Variants in BRAF observed in about 807,000 individuals in gnomAD.
The protein encoded by BRAF is B-Raf proto-oncogene, serine/threonine kinase.
BRAF carries 16 observed loss-of-function variants against 104.6 expected under a neutral mutation model. The observed-to-expected ratio is 0.15, with a 90% CI of 0.10 to 0.23. The LOEUF (loss-of-function observed/expected upper bound fraction) is 0.23. Among genes scored for constraint, BRAF ranks in the 10% least tolerant of loss-of-function variants. The pLI is 1.00. For synonymous variants in BRAF, 310 were observed against 341.6 expected (o/e 0.91, Z 1.02); for missense variants, 541 against 937.3 (o/e 0.58, Z 5.52).
intron 5 of BRAF, among the ~76,000 whole-genome samples, chr7:140,806,380 T>C (rs1474701515): frequency 6.6e-6 from 1 of 152,210 alleles, no homozygotes; most frequent in African/African-American, 2.4e-5. Flanking sequence ...GTCTTATTCA[T>C]TTGTCATATC....
intron 3 of BRAF, among the ~76,000 whole-genome samples, chr7:140,814,746 C>T (rs910284231): frequency 4.1e-5 from 5 of 121,286 alleles, no homozygotes; most frequent in South Asian, 2.2e-4. Context: ...AATTTATATA[C>T]AATATATAAC....
In BRAF at chr7:140,841,810, TAAA is replaced by T. The variant is rs1346525773; in HGVS notation, c.241-6941_241-6939del. 2.6e-5 allele frequency among the ~76,000 whole-genome samples: 4 copies of T among 152,100 alleles called. No homozygotes were observed. In the East Asian group the frequency reaches 7.7e-4, roughly 29 times the overall value. ...TGGAATAAGATAGTGGTGAATATAGTAAAAACCACTGAATTACACAGTTTTAAA... is the reference window on the plus strand; with the variant it reads ...TGGAATAAGATAGTGGTGAATATAGTAACCACTGAATTACACAGTTTTAAA... On this transcript the variant is annotated intron_variant, in intron 2 of 19. Transcript: ENST00000644969.
chr7:140,795,515 A>C (rs1280472667), intron 7 of BRAF, among the ~76,000 whole-genome samples: 2 of 152,234 alleles, frequency 1.3e-5, no homozygotes, highest in African/African-American at 2.4e-5. Context: ...TGTTGAGGGA[A>C]TAAAAAGACA....
At chr7:140,853,631 T>C (rs1247986465) in intron 1 of BRAF, among the ~76,000 whole-genome samples, 3 of 152,192 alleles carry the variant, frequency 2.0e-5, no homozygotes, top group African/African-American at 7.2e-5. Flanking sequence ...TCTATAAAGT[T>C]TGCTGTCTTA....
At chr7:140,857,710 G>C (rs561311680) in intron 1 of BRAF, among the ~76,000 whole-genome samples, 1 of 152,212 alleles carries the variant, frequency 6.6e-6, no homozygotes, top group East Asian at 1.9e-4. Flanking sequence ...TATTATTCAA[G>C]AAGAGAGATC....
At chr7:140,731,068 G>C (rs1320215533) in intron 19 of BRAF, 1 of 152,144 alleles carries the variant, frequency 6.6e-6, no homozygotes, top group Non-Finnish European at 1.5e-5. Flanking sequence ...CCAGGCTGGA[G>C]TGCAGTGGCA....
intron 14 of BRAF, among the ~76,000 whole-genome samples, chr7:140,760,106 C>T (rs1798547672): frequency 6.6e-6 from 1 of 152,098 alleles, no homozygotes; most frequent in Non-Finnish European, 1.5e-5. Flanking sequence ...CCACCAGTAA[C>T]TATCATATTA....
At chr7:140,780,921 C>T (rs1041575187) in intron 12 of BRAF, 6 of 152,116 alleles carry the variant, frequency 3.9e-5, no homozygotes, top group African/African-American at 1.4e-4. Flanking sequence ...TGTTTACTGG[C>T]CACTTATATT....
At chr7:140,923,864 C>T (rs990276357) in intron 1 of BRAF, among the ~76,000 whole-genome samples, 1 of 152,012 alleles carries the variant, frequency 6.6e-6, no homozygotes, top group African/African-American at 2.4e-5. Flanking sequence ...GGAAAATGAG[C>T]GGGCGGTAGA....
intron 17 of BRAF, chr7:140,747,443 A>G (rs1388287720): frequency 7.8e-7 from 1 of 1,288,444 alleles, no homozygotes; most frequent in Admixed American, 2.3e-5. Context: ...TGGAGGACAA[A>G]GCACCTAAAA....
At position 140,721,573 on chromosome 7, in the gene BRAF, A is replaced by T. The variant is rs1046584993; in HGVS notation, c.*4921T>A. 12 of 1,523,030 alleles carry T rather than the reference A, an allele frequency of 7.9e-6. No individual in the cohort carries two copies. The highest frequency in any genetic ancestry group is 1.7e-4 in the Middle Eastern group (1 of 5,960). The allele number at this position is 1,523,030 out of a possible 1,614,324, so 94.3% of individuals were successfully genotyped here. A position where few individuals can be genotyped will look rare whatever the true frequency, so the allele number is the denominator to read the frequency against. ...CCAGAGCTAGCAACATGGACCACAG[A>T]TATACTGGTGACTCCGCTCTCCTCT... On this transcript the variant is annotated 3_prime_UTR_variant, in exon 20 of 20. Coordinates refer to ENST00000644969, the MANE Select transcript of BRAF (RefSeq NM_001374258.1).
chr7:140,805,127 A>C (rs1218506851), intron 5 of BRAF, among the ~76,000 whole-genome samples: 2 of 152,214 alleles, frequency 1.3e-5, no homozygotes, highest in African/African-American at 4.8e-5. Context: ...ACATTTATTT[A>C]CACATTCTGT....
chr7:140,834,870 G>C lies in BRAF; in HGVS notation c.243C>G (p.Ala81=). ...EHNPPSIYLE[A]YEEYTSKLDA... The stretch of plus-strand genomic sequence containing the variant: ...CTAGCTTGCTGGTGTATTCTTCATA[G>C]GCCTATAAAATAAAGCAGACTTATA... The change falls in exon 3 of 20, where the codon GCC becomes GCG. Residue 81 remains alanine, a splice_region_variant and synonymous_variant. Transcript: ENST00000644969. The C allele has an allele frequency of 6.2e-7, 1 of 1,613,948 alleles. No individual in the cohort carries two copies. The highest frequency in any genetic ancestry group is 1.3e-5 in the African/African-American group (1 of 75,034).
chr7:140,847,029 C>T (rs1808631856), intron 2 of BRAF, among the ~76,000 whole-genome samples: 1 of 152,062 alleles, frequency 6.6e-6, no homozygotes, highest in East Asian at 1.9e-4. Flanking sequence ...ATAACGCACA[C>T]CTGTAATCCC....
At chr7:140,798,715 G>C (rs185751820) in intron 7 of BRAF, among the ~76,000 whole-genome samples, 1 of 152,072 alleles carries the variant, frequency 6.6e-6, no homozygotes, top group Admixed American at 6.6e-5. Flanking sequence ...AGCAGTTTGG[G>C]AGGCTGAGGC....
rs774083294 is a variant in BRAF at position 140,834,697 on chromosome 7, T to C, written c.416A>G (p.Gln139Arg). 1.2e-6 allele frequency: 2 copies of C among 1,614,176 alleles called. No individual in the cohort carries two copies. The highest frequency in any genetic ancestry group is 1.7e-6 in the Non-Finnish European group (2 of 1,180,024). Residue 139 changes from glutamine (Q) to arginine (R), a missense_variant, in exon 3 of 20, where the codon CAA becomes CGA. Around this residue, in one of 10 missense-constraint regions of BRAF, gnomAD observed 86 missense variants for 133.9 expected, o/e 0.64. Coordinates refer to ENST00000644969, the MANE Select transcript of BRAF (RefSeq NM_001374258.1). ...GCTCCGTGCCACATCTGTGGGATTT[T>C]GAAAAACTGAAAGAGATGAAGGTAG... is the stretch of plus-strand genomic sequence containing the variant. ...SVLPSSLSVF[Q>R]NPTDVARSNP...
intron 1 of BRAF, among the ~76,000 whole-genome samples, chr7:140,913,252 A>G (rs1370591784): frequency 6.6e-6 from 1 of 151,782 alleles, no homozygotes; most frequent in Non-Finnish European, 1.5e-5. Flanking sequence ...CCATCCCCCA[A>G]TACACACACA....
rs146400035 is a variant in BRAF at position 140,907,508 on chromosome 7, G to A, written c.138+17058C>T. Reference sequence around the variant, plus strand: ...AATCTCCTGACCTCGTGATCTGTCGGCCTCAGCCTCCCAAAGTGCTGGGAT... The same window carrying A: ...AATCTCCTGACCTCGTGATCTGTCGACCTCAGCCTCCCAAAGTGCTGGGAT... On this transcript the variant is annotated intron_variant, in intron 1 of 19. Coordinates refer to ENST00000644969, the MANE Select transcript of BRAF (RefSeq NM_001374258.1). 2.5e-3 allele frequency among the ~76,000 whole-genome samples: 374 copies of A among 152,172 alleles called. 8 individuals are homozygous for A. In the East Asian group the frequency reaches 0.044, roughly 18 times the overall value.
Position 140,805,084 on chromosome 7 carries a change from C to T in BRAF, c.711+2876G>A, listed in dbSNP as rs546534574. 1.2e-4 allele frequency among the ~76,000 whole-genome samples: 18 copies of T among 152,302 alleles called. No homozygotes were observed. In the East Asian group the frequency reaches 2.7e-3, roughly 23 times the overall value. ...CTCTCAAGGGATTAGAGGCATGAGC[C>T]ACTGTGCCCAGCCAAAAGTCCATTT... On this transcript the variant is annotated intron_variant, in intron 5 of 19. Coordinates refer to ENST00000644969, the MANE Select transcript of BRAF (RefSeq NM_001374258.1).
Sources: gnomAD v4.1 joint callset for allele counts (sites outside exome capture counted in the v4.1 genomes callset) on GRCh38, gnomAD v4.1.1 for gene constraint, gnomAD v4.1.1 regional missense constraint, MANE v1.5 for transcripts, NCBI Gene and HGNC (gene_info 2026-07-23, HGNC 2026-07-21) for gene names.